The following YEATS2 variants were observed in gnomAD, a reference collection of about 807,000 sequenced individuals.
YEATS2 encodes YEATS domain-containing protein 2.
YEATS2 carries 77 observed loss-of-function variants against 163.2 expected under a neutral mutation model. The observed-to-expected ratio is 0.47, with a 90% CI of 0.39 to 0.57. The LOEUF (loss-of-function observed/expected upper bound fraction) is 0.57, where lower values mean the gene tolerates loss of function less well. YEATS2 is among the 20% of genes least tolerant of loss of function. The pLI is 0.00. For missense variants in YEATS2, 1,549 were observed against 1,729.8 expected, an observed-to-expected ratio of 0.90 and a Z score of 1.85; for synonymous variants, 631 against 645.1, an observed-to-expected ratio of 0.98 and a Z score of 0.33.
chr3:183,728,863 T>A lies in YEATS2; in HGVS notation c.812+12T>A. 1 of 1,599,606 alleles carries A rather than the reference T, an allele frequency of 6.3e-7. No individual in the cohort carries two copies. The highest frequency in any genetic ancestry group is 8.5e-7 in the Non-Finnish European group (1 of 1,175,514). ...CTTGTGGAAGTTAGGTAAGCACGCT[T>A]GAGGTATTTAACCTAAATTGAAATG... On this transcript the variant is annotated intron_variant, in intron 7 of 30. Transcript: ENST00000305135.
In YEATS2 at chr3:183,793,028, T is replaced by C. The variant is rs193257548; in HGVS notation, c.3097+2048T>C. On this transcript the variant is annotated intron_variant, in intron 21 of 30. Transcript: ENST00000305135. Reference sequence around the variant, plus strand: ...GTTTTTGTTTTTCTATAATCTGGTATAGACAGATACTTCTGTAAAATATAA... The same window carrying C: ...GTTTTTGTTTTTCTATAATCTGGTACAGACAGATACTTCTGTAAAATATAA... The C allele has an allele frequency of 3.4e-5, 30 of 871,400 alleles. No homozygotes were observed. The African/African-American group carries it at 5.2e-4, about 15-fold the overall frequency. The allele number at this position is 871,400 out of a possible 1,614,324, so 54.0% of individuals were successfully genotyped here.
chr3:183,698,826 G>C (rs898808137), intron 1 of YEATS2, among the ~76,000 whole-genome samples: 3 of 152,132 alleles, frequency 2.0e-5, no homozygotes, highest in African/African-American at 7.2e-5. Flanking sequence ...TTAATGAGTA[G>C]AGGGTATTCA....
At chr3:183,712,836 C>T (rs758620733) in intron 1 of YEATS2, among the ~76,000 whole-genome samples, 7 of 151,814 alleles carry the variant, frequency 4.6e-5, no homozygotes, top group Non-Finnish European at 8.8e-5. Flanking sequence ...TCTTGGCTCG[C>T]TGCAACCTCT....
At chr3:183,764,096 G>A (rs911226980) in intron 15 of YEATS2, among the ~76,000 whole-genome samples, 5 of 152,022 alleles carry the variant, frequency 3.3e-5, no homozygotes, top group African/African-American at 1.2e-4. Context: ...CAATGGCTGG[G>A]CACGGTGGCT....
intron 15 of YEATS2, among the ~76,000 whole-genome samples, chr3:183,766,693 T>G (rs539450565): frequency 3.9e-5 from 6 of 152,308 alleles, no homozygotes; most frequent in African/African-American, 9.6e-5. Flanking sequence ...TTTTGGTGGT[T>G]GTTGCTCTTG....
Position 183,810,919 on chromosome 3 carries a change from T to A in YEATS2, c.*336T>A. ...CCTGGGTGTGCTTAAGGGGGCTCCT[T>A]GGGCCCGCCTCCCCAGGAGGTAGAA... On this transcript the variant is annotated 3_prime_UTR_variant, in exon 31 of 31. Transcript: ENST00000305135. 4.4e-6 allele frequency: 1 copy of A among 227,502 alleles called. No individual in the cohort carries two copies. Among genetic ancestry groups the A allele is most frequent in the Non-Finnish European group, 8.7e-6 (1 of 114,552 alleles). 14.1% of individuals were successfully genotyped at this position (227,502 alleles called of 1,614,324 possible).
intron 8 of YEATS2, among the ~76,000 whole-genome samples, chr3:183,738,117 A>G (rs1290323097): frequency 1.3e-5 from 2 of 152,118 alleles, no homozygotes; most frequent in Non-Finnish European, 2.9e-5. Flanking sequence ...TGTTTTGTGG[A>G]TTCTGACTGT....
At chr3:183,751,098 T>C (rs996158293) in intron 9 of YEATS2, among the ~76,000 whole-genome samples, 5 of 152,244 alleles carry the variant, frequency 3.3e-5, no homozygotes, top group Non-Finnish European at 7.3e-5. Flanking sequence ...TGTTTCGTTC[T>C]TTGATCCTGA....
chr3:183,789,296 G>A (rs1023481955), intron 20 of YEATS2, among the ~76,000 whole-genome samples: 2 of 152,018 alleles, frequency 1.3e-5, no homozygotes, highest in Non-Finnish European at 2.9e-5. Flanking sequence ...TGATTGCATG[G>A]TGAGAGCTAG....
At chr3:183,708,696 G>T (rs1158740803) in intron 1 of YEATS2, among the ~76,000 whole-genome samples, 1 of 151,832 alleles carries the variant, frequency 6.6e-6, no homozygotes, top group African/African-American at 2.4e-5. Context: ...TGAGACCCCC[G>T]TCTCTTTAAA....
intron 28 of YEATS2, chr3:183,807,637 CAG>C (rs1726355069): frequency 4.7e-6 from 1 of 214,396 alleles, no homozygotes; most frequent in Non-Finnish European, 9.4e-6. Context: ...AGGTGAAAGA[CAG>C]TGTGCTTTCA....
At chr3:183,760,343 CAG>C (rs1364167497) in intron 13 of YEATS2, among the ~76,000 whole-genome samples, 1 of 104,800 alleles carries the variant, frequency 9.5e-6, no homozygotes, top group Non-Finnish European at 1.8e-5. Context: ...TTTTTTGAGA[CAG>C]AGTTTCGCTC....
At chr3:183,731,057 TTTCG>T (rs1183455683) in intron 7 of YEATS2, among the ~76,000 whole-genome samples, 1 of 152,130 alleles carries the variant, frequency 6.6e-6, no homozygotes, top group Non-Finnish European at 1.5e-5. Context: ...ATTCCAGCAC[TTTCG>T]GAGGCTGAGG....
chr3:183,798,093 C>T, intron 22 of YEATS2, 42 bp downstream of exon 22: 1 of 1,607,872 alleles, frequency 6.2e-7, no homozygotes, highest in Non-Finnish European at 8.5e-7. Flanking sequence ...GTGGCTGCCT[C>T]CACATCTCCC....
intron 25 of YEATS2, 25 bp downstream of exon 25, chr3:183,801,553 G>C (rs773878017): frequency 6.4e-7 from 1 of 1,560,338 alleles, no homozygotes; most frequent in Non-Finnish European, 8.7e-7. Flanking sequence ...CTGAATATAG[G>C]GGTGCATTTT....
At chr3:183,754,091 G>A (rs376167518) in intron 10 of YEATS2, 35 bp from the exon 11 acceptor site, 7 of 1,505,748 alleles carry the variant, frequency 4.6e-6, no homozygotes, top group Non-Finnish European at 6.2e-6. Flanking sequence ...CAAAGCGATT[G>A]ATGACTTGCC....
intron 11 of YEATS2, 54 bp downstream of exon 11, chr3:183,754,419 G>A (rs926992597): frequency 1.3e-6 from 2 of 1,541,500 alleles, no homozygotes; most frequent in Non-Finnish European, 8.8e-7. Flanking sequence ...TGTTAAAATT[G>A]TTGGAACAAC....
chr3:183,790,569 T>C (rs1052685112), intron 20 of YEATS2, among the ~76,000 whole-genome samples: 2 of 152,228 alleles, frequency 1.3e-5, no homozygotes, highest in Admixed American at 6.5e-5. Flanking sequence ...ACCCCCATGA[T>C]ACTTCCTTGT....
intron 1 of YEATS2, 24 bp downstream of exon 1, chr3:183,698,017 G>T (rs1035468573): frequency 2.0e-5 from 3 of 151,976 alleles, no homozygotes; most frequent in Admixed American, 2.0e-4. Flanking sequence ...GGCGCAGGAA[G>T]GGACCGGCCG....
Sources: allele counts gnomAD v4.1 joint callset (sites outside exome capture counted in the v4.1 genomes callset), GRCh38; gene constraint gnomAD v4.1.1; transcripts MANE v1.5; gene names NCBI Gene and HGNC (gene_info 2026-07-23, HGNC 2026-07-21).